JCAD: variants seen among roughly 807,000 people sequenced by gnomAD.
JCAD encodes the protein junctional cadherin 5-associated protein.
Under a neutral mutation model 98.0 loss-of-function variants are expected in JCAD, and 40 were observed. The observed-to-expected ratio is 0.41, with a 90% CI of 0.32 to 0.53. JCAD has a LOEUF of 0.53. Among genes scored for constraint, JCAD ranks in the 20% least tolerant of loss-of-function variants. The probability of loss-of-function intolerance (pLI) is 0.31; values close to 1 mark genes in which losing one functional copy is unlikely to be tolerated. For synonymous variants in JCAD, 691 were observed against 682.3 expected (o/e 1.01, Z -0.20); for missense variants, 1,705 against 1,738.1 (o/e 0.98, Z 0.34).
At chr10:30,093,965 G>C (rs1343318957) in intron 1 of JCAD, among the ~76,000 whole-genome samples, 1 of 152,200 alleles carries the variant, frequency 6.6e-6, no homozygotes, top group Non-Finnish European at 1.5e-5. Flanking sequence ...AAAGAGGTTG[G>C]GGCCTTCATG....
intron 2 of JCAD, among the ~76,000 whole-genome samples, chr10:30,035,211 C>A (rs76379214): frequency 6.6e-6 from 1 of 152,172 alleles, no homozygotes; most frequent in South Asian, 2.1e-4. Flanking sequence ...ACAGAGGGAG[C>A]GTGGTTGGTT....
Position 30,026,799 on chromosome 10 carries a change from T to C in JCAD, c.3349A>G (p.Ser1117Gly). 1.2e-6 allele frequency: 2 copies of C among 1,614,106 alleles called. No individual in the cohort carries two copies. The highest frequency in any genetic ancestry group is 1.7e-6 in the Non-Finnish European group (2 of 1,180,040). ...TGGGGGGACTCTGGGGTGCAGGCACTTGCATCGGGCTCAGCAGGCTGGTTC... is the reference window on the plus strand; with the variant it reads ...TGGGGGGACTCTGGGGTGCAGGCACCTGCATCGGGCTCAGCAGGCTGGTTC... ...GQNQPAEPDA[S>G]ACTPESPQEE... Residue 1117 changes from serine to glycine, a missense_variant, in exon 3 of 4, where the codon AGT becomes GGT. Transcript: ENST00000375377.
In JCAD at chr10:30,113,252, C is replaced by G. The variant is rs142640711; in HGVS notation, n.128+2115G>C. ...GAGGATATGAAACCTCGGTGAGGTA[C>G]GCAAAAAGCCTCCCAGAGCCGGGTG... On this transcript the variant is annotated intron_variant and non_coding_transcript_variant, in intron 1 of 2. Transcript: ENST00000465712. 6.4e-3 allele frequency among the ~76,000 whole-genome samples: 975 copies of G among 151,860 alleles called. 12 individuals are homozygous for G. Among genetic ancestry groups the G allele is most frequent in the African/African-American group, 0.023 (943 of 41,436 alleles).
chr10:30,062,693 A>T (rs565511214), upstream of JCAD, among the ~76,000 whole-genome samples: 1 of 152,322 alleles, frequency 6.6e-6, no homozygotes, highest in South Asian at 2.1e-4. Context: ...ACGTGGCAGC[A>T]GGCAAGAGGG....
At chr10:30,070,009 C>A (rs2132670158) in intron 1 of JCAD, among the ~76,000 whole-genome samples, 1 of 152,040 alleles carries the variant, frequency 6.6e-6, no homozygotes, top group East Asian at 1.9e-4. Context: ...GTATATCAAG[C>A]AGATGGCATG....
intron 2 of JCAD, among the ~76,000 whole-genome samples, chr10:30,036,946 T>G (rs1400172540): frequency 6.6e-6 from 1 of 152,234 alleles, no homozygotes; most frequent in African/African-American, 2.4e-5. Context: ...CATGACACAC[T>G]GGCCTAGCCT....
intron 1 of JCAD, among the ~76,000 whole-genome samples, chr10:30,106,710 A>G (rs1253875655): frequency 6.6e-6 from 1 of 152,170 alleles, no homozygotes; most frequent in African/African-American, 2.4e-5. Flanking sequence ...CATGTTGGCC[A>G]GGCTGGTCTT....
intron 1 of JCAD, among the ~76,000 whole-genome samples, chr10:30,051,280 G>GCACACA (rs1554798233): frequency 2.5e-5 from 2 of 78,926 alleles, no homozygotes; most frequent in Non-Finnish European, 3.0e-5. Context: ...ACGCACACAC[G>GCACACA]CACGCACACA....
At chr10:30,025,102 G>C (rs755034604) in intron 3 of JCAD, among the ~76,000 whole-genome samples, 3 of 152,172 alleles carry the variant, frequency 2.0e-5, no homozygotes, top group Non-Finnish European at 4.4e-5. Context: ...ATAGAAAGGG[G>C]TGGGAGGAGC....
intron 2 of JCAD, among the ~76,000 whole-genome samples, chr10:30,031,750 A>ATTTTTTTT (rs1177691710): frequency 3.2e-5 from 2 of 63,372 alleles, no homozygotes; most frequent in African/African-American, 7.0e-5. Context: ...CCCCATCTGT[A>ATTTTTTTT]TTTTTTTTTT....
rs901994865 is a variant in JCAD, at chr10:30,015,041, T to C, written c.*2842A>G. The C allele has an allele frequency of 2.6e-5, 4 of 152,194 alleles. No individual in the cohort carries two copies. The East Asian group carries it at 5.8e-4, about 22-fold the overall frequency. The allele number at this position is 152,194 out of a possible 1,614,324, so 9.4% of individuals were successfully genotyped here. Reference sequence around the variant, plus strand: ...GAGGTTGAAAGTGATAATATAGATATTTGGTTTTCAGTCATTCAGAAATTT... The same window carrying C: ...GAGGTTGAAAGTGATAATATAGATACTTGGTTTTCAGTCATTCAGAAATTT... On this transcript the variant is annotated 3_prime_UTR_variant, in exon 4 of 4. Transcript: ENST00000375377.
chr10:30,037,135 G>A (rs186214979), intron 2 of JCAD, among the ~76,000 whole-genome samples: 231 of 152,306 alleles, frequency 1.5e-3, no homozygotes, highest in African/African-American at 5.2e-3. Context: ...CACCAACCCC[G>A]CTGTCAGGTG....
At chr10:30,113,423 C>A (rs748796666) in intron 1 of JCAD, among the ~76,000 whole-genome samples, 1 of 151,538 alleles carries the variant, frequency 6.6e-6, no homozygotes, top group Admixed American at 6.6e-5. Flanking sequence ...TGGTGGCAGG[C>A]GCCTGTAATC....
intron 1 of JCAD, among the ~76,000 whole-genome samples, chr10:30,111,832 G>A (rs1023031488): frequency 6.6e-6 from 1 of 152,160 alleles, no homozygotes; most frequent in Non-Finnish European, 1.5e-5. Context: ...AGAATGTGGA[G>A]AAATTGGAAC....
At chr10:30,074,338 G>A (rs1438729981) in intron 1 of JCAD, among the ~76,000 whole-genome samples, 1 of 152,198 alleles carries the variant, frequency 6.6e-6, no homozygotes, top group African/African-American at 2.4e-5. Flanking sequence ...GAAAGATTCA[G>A]TGGTTTCAAG....
intron 3 of JCAD, among the ~76,000 whole-genome samples, chr10:30,023,291 G>A (rs139558451): frequency 0.018 from 2,809 of 152,190 alleles, 29 homozygotes; most frequent in Middle Eastern, 0.048. Context: ...ACCCACCTCA[G>A]CCTCCCAAAG....
At chr10:30,048,538 A>G (rs1466931496) in intron 1 of JCAD, among the ~76,000 whole-genome samples, 1 of 151,976 alleles carries the variant, frequency 6.6e-6, no homozygotes, top group East Asian at 1.9e-4. Context: ...AATTCACTAC[A>G]CAAGCCCAGA....
chr10:30,087,167 G>T (rs1190126628), intron 1 of JCAD, among the ~76,000 whole-genome samples: 1 of 152,218 alleles, frequency 6.6e-6, no homozygotes, highest in Non-Finnish European at 1.5e-5. Context: ...AGGAGGCCAG[G>T]CACGGTAGCT....
intron 2 of JCAD, among the ~76,000 whole-genome samples, chr10:30,068,026 A>G (rs1276712712): frequency 6.6e-6 from 1 of 152,206 alleles, no homozygotes; most frequent in African/African-American, 2.4e-5. Context: ...TGAGACCACC[A>G]TCATAGATGT....
Sources: allele counts gnomAD v4.1 joint callset (sites outside exome capture counted in the v4.1 genomes callset), GRCh38; gene constraint gnomAD v4.1.1; transcripts MANE v1.5; gene names NCBI Gene and HGNC (gene_info 2026-07-23, HGNC 2026-07-21).